Variants in TFAP2D observed in about 807,000 individuals in gnomAD.
The protein encoded by TFAP2D is transcription factor AP-2 delta, also known as transcription factor AP-2-delta.
In TFAP2D, 9 loss-of-function variants were observed where a neutral mutation model predicts 43.6. The observed-to-expected ratio is 0.21, with a 90% CI of 0.12 to 0.36. The LOEUF is 0.36. Among genes scored for constraint, TFAP2D ranks in the 10% least tolerant of loss-of-function variants. The pLI is 1.00. For missense variants in TFAP2D, 513 were observed against 561.4 expected, an observed-to-expected ratio of 0.91 and a Z score of 0.87; for synonymous variants, 256 against 224.9, an observed-to-expected ratio of 1.14 and a Z score of -1.24.
At chr6:50,755,598 CT>C (rs1200390612) in intron 7 of TFAP2D, among the ~76,000 whole-genome samples, 6 of 151,770 alleles carry the variant, frequency 4.0e-5, no homozygotes, top group Non-Finnish European at 8.8e-5. Context: ...TAACTATAAG[CT>C]TTTTTTCCCC....
chr6:50,743,355 ATTTTGTTTTG>A (rs70974545), intron 5 of TFAP2D, among the ~76,000 whole-genome samples: 3,836 of 149,444 alleles, frequency 0.026, 146 homozygotes, highest in African/African-American at 0.085. Context: ...AAAATAGTAT[ATTTTGTTTTG>A]TTTTGTTTTG....
At chr6:50,757,460 T>C (rs1183492425) in intron 7 of TFAP2D, among the ~76,000 whole-genome samples, 22 of 108,560 alleles carry the variant, frequency 2.0e-4, no homozygotes, top group African/African-American at 7.5e-4. Context: ...TCTATATATA[T>C]ATAATATATA....
intron 3 of TFAP2D, among the ~76,000 whole-genome samples, chr6:50,721,164 C>CCT (rs1768716895): frequency 2.0e-5 from 3 of 152,176 alleles, no homozygotes; most frequent in Non-Finnish European, 4.4e-5. Context: ...CTGTAGAATT[C>CCT]GGTCCCTATT....
intron 7 of TFAP2D, among the ~76,000 whole-genome samples, chr6:50,757,495 TATATAATTATTCTATATATAGAATAC>T (rs1561940245): frequency 1.0e-4 from 8 of 77,584 alleles, no homozygotes; most frequent in African/African-American, 3.8e-4. Flanking sequence ...ATATATAATA[TATATAATTATTCTATATATAGAATAC>T]ATATAATTAT....
intron 7 of TFAP2D, among the ~76,000 whole-genome samples, chr6:50,771,794 G>C (rs1449506852): frequency 1.3e-5 from 2 of 152,098 alleles, no homozygotes; most frequent in African/African-American, 4.8e-5. Context: ...ACTGTTGGGG[G>C]GACTGTAAAC....
chr6:50,750,672 A>AT (rs1173663124), intron 6 of TFAP2D, among the ~76,000 whole-genome samples: 1 of 151,900 alleles, frequency 6.6e-6, no homozygotes, highest in African/African-American at 2.4e-5. Flanking sequence ...TAATATAACC[A>AT]TTTTTTGTGA....
intron 6 of TFAP2D, among the ~76,000 whole-genome samples, 160 bp from the exon 7 acceptor site, chr6:50,751,051 A>C (rs1769193767): frequency 6.6e-6 from 1 of 152,002 alleles, no homozygotes; most frequent in Non-Finnish European, 1.5e-5. Context: ...ACCATTATGA[A>C]ACTCAACTGT....
At chr6:50,763,992 G>A (rs914383265) in intron 7 of TFAP2D, among the ~76,000 whole-genome samples, 1 of 152,038 alleles carries the variant, frequency 6.6e-6, no homozygotes, top group Admixed American at 6.6e-5. Flanking sequence ...ATTCAATCTT[G>A]ATAAATTCAA....
chr6:50,771,500 A>C (rs931095640), intron 7 of TFAP2D, among the ~76,000 whole-genome samples: 1 of 152,356 alleles, frequency 6.6e-6, no homozygotes, highest in East Asian at 1.9e-4. Context: ...GCTAGCCATG[A>C]GGCACACTCA....
intron 2 of TFAP2D, among the ~76,000 whole-genome samples, chr6:50,716,317 G>C (rs770251851): frequency 5.9e-5 from 9 of 152,100 alleles, no homozygotes; most frequent in Non-Finnish European, 8.8e-5. Context: ...CAAAACCGCA[G>C]CCCAGTTAGG....
chr6:50,727,170 T>A (rs1768819896), intron 3 of TFAP2D, among the ~76,000 whole-genome samples: 1 of 152,156 alleles, frequency 6.6e-6, no homozygotes, highest in Non-Finnish European at 1.5e-5. Context: ...GACTTTAGAA[T>A]GCTTAGGGAG....
chr6:50,715,087 G>C (rs571900915), intron 1 of TFAP2D, 29 bp from the exon 2 acceptor site: 1 of 1,597,412 alleles, frequency 6.3e-7, no homozygotes, highest in East Asian at 2.2e-5. Context: ...AAGTTTTTCT[G>C]CTCTCCCTTT....
chr6:50,763,643 T>A (rs998435599), intron 7 of TFAP2D, among the ~76,000 whole-genome samples: 4 of 151,952 alleles, frequency 2.6e-5, no homozygotes, highest in African/African-American at 9.7e-5. Flanking sequence ...CAAATTGTCA[T>A]AAATCCATTC....
intron 3 of TFAP2D, among the ~76,000 whole-genome samples, chr6:50,720,528 CACACACACACAT>C (rs1459216291): frequency 2.0e-4 from 27 of 136,676 alleles, no homozygotes; most frequent in African/African-American, 7.3e-4. Flanking sequence ...CACACACACA[CACACACACACAT>C]ATACGTGGTA....
chr6:50,752,365 A>G (rs1047394426), intron 7 of TFAP2D, among the ~76,000 whole-genome samples: 2 of 151,908 alleles, frequency 1.3e-5, no homozygotes, highest in African/African-American at 2.4e-5. Context: ...CAGGTGCCTT[A>G]CATTTTTAAA....
At chr6:50,728,800 A>AT in intron 3 of TFAP2D, 56 bp from the exon 4 acceptor site, 1 of 1,570,158 alleles carries the variant, frequency 6.4e-7, no homozygotes, top group Non-Finnish European at 8.7e-7. Context: ...ACTGCCTCTC[A>AT]TGCAGTTAGC....
intron 5 of TFAP2D, among the ~76,000 whole-genome samples, chr6:50,742,574 A>ATAGATAGT (rs1397891044): frequency 0.039 from 368 of 9,504 alleles, 4 homozygotes; most frequent in African/African-American, 0.079. Flanking sequence ...ACAGACACAC[A>ATAGATAGT]TAGATAGATA....
chr6:50,758,068 A>G (rs1262978199), intron 7 of TFAP2D, among the ~76,000 whole-genome samples: 1 of 151,398 alleles, frequency 6.6e-6, no homozygotes, highest in Non-Finnish European at 1.5e-5. Flanking sequence ...TTTTAATTGG[A>G]CGATGGACTA....
In TFAP2D at chr6:50,772,910, T is replaced by C. The variant is rs1191573351; in HGVS notation, c.*46T>C. 1.2e-5 allele frequency: 18 copies of C among 1,523,792 alleles called. No individual in the cohort carries two copies. The highest frequency in any genetic ancestry group is 1.9e-5 in the Admixed American group (1 of 51,452). 94.4% of individuals were successfully genotyped at this position (1,523,792 alleles called of 1,614,324 possible). On this transcript the variant is annotated 3_prime_UTR_variant, in exon 8 of 8. Coordinates refer to ENST00000008391, the MANE Select transcript of TFAP2D (RefSeq NM_172238.4). ...TTCCAGAGAGTCTTGCTGCTGATATTTTTTCTAATATATATATCATTGAGG... is the reference window on the plus strand; with the variant it reads ...TTCCAGAGAGTCTTGCTGCTGATATCTTTTCTAATATATATATCATTGAGG...
Sources: gnomAD v4.1 joint callset for allele counts (sites outside exome capture counted in the v4.1 genomes callset) on GRCh38, gnomAD v4.1.1 for gene constraint, MANE v1.5 for transcripts, NCBI Gene and HGNC (gene_info 2026-07-23, HGNC 2026-07-21) for gene names.